Variants in PRKN observed in about 807,000 individuals in gnomAD.
PRKN encodes the protein parkin RBR E3 ubiquitin protein ligase, also known as E3 ubiquitin-protein ligase parkin.
In PRKN, 56 loss-of-function variants were observed where a neutral mutation model predicts 59.5. That is an observed-to-expected ratio of 0.94 (90% CI 0.76 to 1.18). The LOEUF (loss-of-function observed/expected upper bound fraction) is 1.18. Ranked by LOEUF, PRKN falls within the 50% of genes most tolerant of loss-of-function variation. PRKN has a pLI of 0.00. For missense variants in PRKN, 657 were observed against 596.4 expected (o/e 1.10, Z -1.06); for synonymous variants, 250 against 222.1 (o/e 1.13, Z -1.12).
chr6:161,728,244 G>GGA (rs568643918), intron 7 of PRKN, among the ~76,000 whole-genome samples: 3,573 of 145,396 alleles, frequency 0.025, 143 homozygotes, highest in African/African-American at 0.084. Context: ...CAAAATGTGA[G>GGA]AAAAAAAAAA....
chr6:161,677,068 T>TAGAAAATAGAGAAAA (rs1785114144), intron 7 of PRKN, among the ~76,000 whole-genome samples: 1 of 152,222 alleles, frequency 6.6e-6, no homozygotes, highest in Non-Finnish European at 1.5e-5. Context: ...TTTACATCAA[T>TAGAAAATAGAGAAAA]TCTTGTGATT....
intron 1 of PRKN, among the ~76,000 whole-genome samples, chr6:162,560,909 G>T (rs1158967087): frequency 7.3e-6 from 1 of 137,502 alleles, no homozygotes; most frequent in East Asian, 2.1e-4. Context: ...AAGTTATAAA[G>T]ATGCCCACTG....
intron 3 of PRKN, among the ~76,000 whole-genome samples, chr6:162,213,488 G>A (rs1777491309): frequency 6.6e-6 from 1 of 152,148 alleles, no homozygotes; most frequent in South Asian, 2.1e-4. Flanking sequence ...AGCAGTTTGG[G>A]AGGCTGAGAC....
Position 162,488,819 on chromosome 6 carries a change from G to C in PRKN, c.8-45346C>G, listed in dbSNP as rs112200634. On this transcript the variant is annotated intron_variant, in intron 1 of 11. Coordinates refer to ENST00000366898, the MANE Select transcript of PRKN (RefSeq NM_004562.3). ...GGCTCTTGGGCATTAGGAATCCATA[G>C]TCAAGCAATGAAAGGGTCCTGCCCT... Among the ~76,000 whole-genome samples, 1,512 of 152,290 alleles carry C rather than the reference G, an allele frequency of 9.9e-3. 14 individuals carry two copies. The highest frequency in any genetic ancestry group is 0.017 in the Middle Eastern group (5 of 292).
intron 6 of PRKN, among the ~76,000 whole-genome samples, chr6:161,848,096 TG>T (rs1382298159): frequency 6.6e-6 from 1 of 152,234 alleles, no homozygotes; most frequent in Non-Finnish European, 1.5e-5. Flanking sequence ...GCTGTCCCAC[TG>T]GATGTCAGGT....
At chr6:161,944,219 G>T (rs1393263632) in intron 6 of PRKN, among the ~76,000 whole-genome samples, 2 of 152,134 alleles carry the variant, frequency 1.3e-5, no homozygotes, top group African/African-American at 4.8e-5. Flanking sequence ...GTTCTGTATT[G>T]CCCATAATCT....
intron 6 of PRKN, among the ~76,000 whole-genome samples, chr6:161,901,722 G>A (rs1461853957): frequency 6.6e-6 from 1 of 152,184 alleles, no homozygotes; most frequent in East Asian, 1.9e-4. Flanking sequence ...AACAGGTTTT[G>A]ATTGTTACAT....
chr6:162,410,994 T>A (rs1303887538), intron 2 of PRKN, among the ~76,000 whole-genome samples: 2 of 152,192 alleles, frequency 1.3e-5, no homozygotes. Context: ...GGGGTATTGA[T>A]ACAGACTCAT....
At chr6:161,541,943 G>A in intron 9 of PRKN, among the ~76,000 whole-genome samples, 1 of 152,100 alleles carries the variant, frequency 6.6e-6, no homozygotes, top group Admixed American at 6.5e-5. Flanking sequence ...TTTTCTATGT[G>A]CAGCTGACCC....
intron 3 of PRKN, among the ~76,000 whole-genome samples, chr6:162,205,835 A>G (rs1304651232): frequency 2.0e-5 from 3 of 151,886 alleles, no homozygotes; most frequent in African/African-American, 7.3e-5. Flanking sequence ...TTACTCTCTG[A>G]GTTTTATTAA....
Position 161,350,127 on chromosome 6 carries a change from C to A in PRKN, c.1370G>T (p.Cys457Phe). 1 of 1,613,418 alleles carries A rather than the reference C, an allele frequency of 6.2e-7. No individual in the cohort carries two copies. Among genetic ancestry groups the A allele is most frequent in the Non-Finnish European group, 8.5e-7 (1 of 1,179,748 alleles). Reference protein sequence around the residue: ...WNCGCEWNRVCMGDHWFDV With the variant: ...WNCGCEWNRVFMGDHWFDV ...CACGTCGAACCAGTGGTCCCCCATG[C>A]AGACGCGGTTCCACTCGCAGCCACA... Residue 457 changes from cysteine to phenylalanine, a missense_variant, in exon 12 of 12, where the codon TGC (cysteine) becomes TTC (phenylalanine). Physicochemically the swap from Cys to Phe is radical, Grantham distance 205. Coordinates refer to ENST00000366898, the MANE Select transcript of PRKN (RefSeq NM_004562.3).
intron 1 of PRKN, among the ~76,000 whole-genome samples, chr6:162,490,945 C>T (rs1286545397): frequency 6.6e-6 from 1 of 152,050 alleles, no homozygotes; most frequent in African/African-American, 2.4e-5. Flanking sequence ...GCCACCCTGG[C>T]CAACATGGCA....
At position 162,172,210 on chromosome 6, in the gene PRKN, C is replaced by T. The variant is rs936171728; in HGVS notation, c.534+28921G>A. Among the ~76,000 whole-genome samples, 11 of 152,148 alleles carry T rather than the reference C, an allele frequency of 7.2e-5. 1 individual carries two copies. The highest frequency in any genetic ancestry group is 5.2e-4 in the Admixed American group (8 of 15,268). ...GGTTCTAAGTAACTAAATGACAGAT[C>T]GGAGCGGGGTGCTGCCTGGGGCCCT... On this transcript the variant is annotated intron_variant, in intron 4 of 11. Coordinates refer to ENST00000366898, the MANE Select transcript of PRKN (RefSeq NM_004562.3).
At position 161,805,567 on chromosome 6, in the gene PRKN, TG is replaced by T. The variant is rs558126778; in HGVS notation, c.735-19660del. Among the ~76,000 whole-genome samples, 54 of 152,276 alleles carry T rather than the reference TG, an allele frequency of 3.5e-4. No individual in the cohort carries two copies. In the Middle Eastern group the frequency reaches 0.014, roughly 38 times the overall value. ...AGATCCTGTCTTTACTATTTCCTGT[TG>T]CTCTAGTGAGTCTCTTCCAGGGCTC... On this transcript the variant is annotated intron_variant, in intron 6 of 11. Coordinates refer to ENST00000366898, the MANE Select transcript of PRKN (RefSeq NM_004562.3).
chr6:161,746,246 T>C (rs1310937336), intron 7 of PRKN, among the ~76,000 whole-genome samples: 2 of 152,262 alleles, frequency 1.3e-5, no homozygotes, highest in East Asian at 3.9e-4. Context: ...CTGCCTTCTG[T>C]GTGTGCTCTG....
intron 6 of PRKN, among the ~76,000 whole-genome samples, chr6:161,874,562 A>AAAATATATATTATATG (rs1562355463): frequency 2.3e-5 from 2 of 86,360 alleles, no homozygotes; most frequent in South Asian, 3.4e-4. Flanking sequence ...TATATTATAT[A>AAAATATATATTATATG]TAAAATATAT....
At chr6:162,527,324 G>A (rs907580847) in intron 1 of PRKN, among the ~76,000 whole-genome samples, 1 of 152,088 alleles carries the variant, frequency 6.6e-6, no homozygotes, top group Non-Finnish European at 1.5e-5. Flanking sequence ...TTTTAAATTC[G>A]CACATAACAG....
At chr6:162,154,562 GT>G (rs1782421257) in intron 4 of PRKN, among the ~76,000 whole-genome samples, 1 of 151,532 alleles carries the variant, frequency 6.6e-6, no homozygotes, top group Non-Finnish European at 1.5e-5. Flanking sequence ...GATGAAGTGT[GT>G]TTAAATGGCA....
At chr6:162,146,089 T>C (rs146004789) in intron 4 of PRKN, among the ~76,000 whole-genome samples, 281 of 152,302 alleles carry the variant, frequency 1.8e-3, no homozygotes, top group Non-Finnish European at 3.3e-3. Context: ...TGTTTCAATT[T>C]AGTTCTAGGA....
Sources: allele counts gnomAD v4.1 joint callset (sites outside exome capture counted in the v4.1 genomes callset), GRCh38; gene constraint gnomAD v4.1.1; transcripts MANE v1.5; gene names NCBI Gene and HGNC (gene_info 2026-07-23, HGNC 2026-07-21).